The following DGKB variants were observed in gnomAD, a reference collection of about 807,000 sequenced individuals.
The protein encoded by DGKB is diacylglycerol kinase beta.
A neutral mutation model predicts 114.3 loss-of-function variants in DGKB; 67 were observed. The observed-to-expected ratio is 0.59, with a 90% CI of 0.48 to 0.72. The LOEUF is 0.72. Ranked by LOEUF, DGKB falls within the 30% of genes least tolerant of loss-of-function variation. DGKB has a pLI of 0.00. For synonymous variants in DGKB, 398 were observed against 323.1 expected, an observed-to-expected ratio of 1.23 and a Z score of -2.49; for missense variants, 907 against 975.2, an observed-to-expected ratio of 0.93 and a Z score of 0.93.
At chr7:14,352,564 C>T (rs964715294) in intron 21 of DGKB, among the ~76,000 whole-genome samples, 2 of 152,026 alleles carry the variant, frequency 1.3e-5, no homozygotes, top group African/African-American at 4.8e-5. Context: ...TTATTTGAAA[C>T]GTAAAATGAA....
At chr7:14,884,965 T>C (rs1395523414) in intron 1 of DGKB, among the ~76,000 whole-genome samples, 1 of 151,920 alleles carries the variant, frequency 6.6e-6, no homozygotes, top group Non-Finnish European at 1.5e-5. Flanking sequence ...AACAAAAAAC[T>C]AAGGACTTTA....
chr7:14,845,385 G>T (rs944507489), intron 1 of DGKB, among the ~76,000 whole-genome samples: 1 of 151,918 alleles, frequency 6.6e-6, no homozygotes, highest in African/African-American at 2.4e-5. Context: ...TTTAACATTT[G>T]TCTCCACACA....
intron 23 of DGKB, among the ~76,000 whole-genome samples, chr7:14,277,854 C>T (rs1289499856): frequency 2.0e-5 from 3 of 152,130 alleles, no homozygotes; most frequent in African/African-American, 4.8e-5. Flanking sequence ...TACCATTTTT[C>T]CATAAAGGCT....
intron 1 of DGKB, among the ~76,000 whole-genome samples, chr7:14,852,487 C>CAAAAACAAAAAAACAAAAA (rs1554304205): frequency 1.6e-5 from 1 of 63,636 alleles, no homozygotes; most frequent in Non-Finnish European, 3.0e-5. Context: ...TAGTGAAAGT[C>CAAAAACAAAAAAACAAAAA]AAAAAAAAAA....
chr7:14,938,681 T>C (rs1478650078), intron 1 of DGKB, among the ~76,000 whole-genome samples: 2 of 152,002 alleles, frequency 1.3e-5, no homozygotes, highest in African/African-American at 4.8e-5. Flanking sequence ...AAAGGAAAAA[T>C]AGTTCGCAAA....
chr7:14,269,451 T>C (rs1302672375), intron 23 of DGKB, among the ~76,000 whole-genome samples: 1 of 152,212 alleles, frequency 6.6e-6, no homozygotes, highest in Non-Finnish European at 1.5e-5. Context: ...TGTTTGGTTC[T>C]GAATTAGAGG....
intron 23 of DGKB, among the ~76,000 whole-genome samples, chr7:14,316,009 T>C (rs1043370969): frequency 2.0e-5 from 3 of 151,206 alleles, no homozygotes; most frequent in African/African-American, 4.9e-5. Context: ...ACATGGAAAC[T>C]GAACAACCTG....
At chr7:14,836,501 T>C (rs990889149) in intron 2 of DGKB, among the ~76,000 whole-genome samples, 1 of 152,152 alleles carries the variant, frequency 6.6e-6, no homozygotes, top group African/African-American at 2.4e-5. Flanking sequence ...AATATTGTTA[T>C]CCATGAAAAG....
intron 22 of DGKB, among the ~76,000 whole-genome samples, chr7:14,342,822 C>G (rs1335853170): frequency 2.0e-5 from 3 of 151,768 alleles, no homozygotes; most frequent in South Asian, 2.1e-4. Context: ...TATTTGCCCT[C>G]TTTTGAAGGT....
intron 4 of DGKB, 132 bp downstream of exon 4, chr7:14,753,796 T>G (rs1293890673): frequency 5.8e-6 from 4 of 686,578 alleles, no homozygotes; most frequent in Admixed American, 6.0e-5. Context: ...ATGAGTATTA[T>G]AGGCAACCTT....
At chr7:14,174,921 A>C (rs1781502528) in intron 25 of DGKB, among the ~76,000 whole-genome samples, 1 of 152,214 alleles carries the variant, frequency 6.6e-6, no homozygotes, top group South Asian at 2.1e-4. Flanking sequence ...TGGTGAAGGG[A>C]GGAAAAAGAT....
At chr7:14,481,244 C>G (rs1310607904) in intron 20 of DGKB, among the ~76,000 whole-genome samples, 1 of 151,734 alleles carries the variant, frequency 6.6e-6, no homozygotes, top group East Asian at 1.9e-4. Flanking sequence ...TTTCCTTTTT[C>G]TGTATAGGCT....
chr7:14,814,038 T>C (rs1843765173), intron 2 of DGKB: 1 of 152,182 alleles, frequency 6.6e-6, no homozygotes, highest in Non-Finnish European at 1.5e-5. Context: ...TGTATTTTAG[T>C]TTATTTTCTA....
chr7:14,232,696 G>A (rs1011130442), intron 23 of DGKB, among the ~76,000 whole-genome samples: 4 of 151,980 alleles, frequency 2.6e-5, no homozygotes, highest in African/African-American at 7.2e-5. Flanking sequence ...AGTCTGATTA[G>A]AAACACCCCA....
chr7:14,883,545 T>G (rs899207695), intron 1 of DGKB, among the ~76,000 whole-genome samples: 2 of 151,916 alleles, frequency 1.3e-5, no homozygotes, highest in African/African-American at 4.8e-5. Context: ...GATAGAGATA[T>G]AGAGATGATA....
chr7:14,382,255 C>A (rs754308934), intron 21 of DGKB, among the ~76,000 whole-genome samples: 1 of 151,834 alleles, frequency 6.6e-6, no homozygotes, highest in African/African-American at 2.4e-5. Context: ...ATCAGTAGAG[C>A]CCAGCCCTTG....
At chr7:14,826,185 G>A (rs1021946506) in intron 2 of DGKB, among the ~76,000 whole-genome samples, 2 of 152,096 alleles carry the variant, frequency 1.3e-5, no homozygotes, top group African/African-American at 2.4e-5. Flanking sequence ...CTAACACCTG[G>A]AAATGGATTC....
At chr7:14,562,930 A>T (rs1796883847) in intron 20 of DGKB, among the ~76,000 whole-genome samples, 1 of 152,110 alleles carries the variant, frequency 6.6e-6, no homozygotes, top group African/African-American at 2.4e-5. Flanking sequence ...TAGTGGGAAG[A>T]TATGGTTTGG....
At chr7:14,702,056 C>A (rs1825290228) in intron 6 of DGKB, among the ~76,000 whole-genome samples, 1 of 151,934 alleles carries the variant, frequency 6.6e-6, no homozygotes, top group African/African-American at 2.4e-5. Context: ...ATATTCAAAG[C>A]CTGGGTATTA....
Sources: gnomAD v4.1 joint callset for allele counts (sites outside exome capture counted in the v4.1 genomes callset) on GRCh38, gnomAD v4.1.1 for gene constraint, MANE v1.5 for transcripts, NCBI Gene and HGNC (gene_info 2026-07-23, HGNC 2026-07-21) for gene names.